The following ROCK2 variants were observed in gnomAD, a reference collection of about 807,000 sequenced individuals.
ROCK2 encodes rho-associated protein kinase 2.
A neutral mutation model predicts 195.1 loss-of-function variants in ROCK2; 61 were observed. The observed-to-expected ratio is 0.31, with a 90% confidence interval of 0.25 to 0.39. The LOEUF is 0.39. Among genes scored for constraint, ROCK2 ranks in the 10% least tolerant of loss-of-function variants. The pLI, the probability that ROCK2 is intolerant of heterozygous loss-of-function variation, is 1.00. For synonymous variants in ROCK2, 504 were observed against 545.5 expected, an observed-to-expected ratio of 0.92 and a Z score of 1.06; for missense variants, 1,109 against 1,637.4, an observed-to-expected ratio of 0.68 and a Z score of 5.57.
chr2:11,222,363 T>TA (rs1398377197), intron 7 of ROCK2, among the ~76,000 whole-genome samples, 189 bp from the exon 8 acceptor site: 1 of 152,118 alleles, frequency 6.6e-6, no homozygotes, highest in Non-Finnish European at 1.5e-5. Context: ...TAGACAGATT[T>TA]AAAAAACTGT....
At chr2:11,318,888 A>G (rs1249331786) in intron 1 of ROCK2, among the ~76,000 whole-genome samples, 1 of 152,108 alleles carries the variant, frequency 6.6e-6, no homozygotes, top group African/African-American at 2.4e-5. Flanking sequence ...TGTTTTTGTC[A>G]GGTTTGTCAA....
At chr2:11,331,581 CA>C (rs151085792) in intron 1 of ROCK2, among the ~76,000 whole-genome samples, 2 of 149,644 alleles carry the variant, frequency 1.3e-5, no homozygotes, top group African/African-American at 2.5e-5. Context: ...CAGAATGGAA[CA>C]AAAAAAAAAG....
intron 32 of ROCK2, among the ~76,000 whole-genome samples, chr2:11,190,660 A>G (rs1663390662): frequency 6.6e-6 from 1 of 152,188 alleles, no homozygotes; most frequent in African/African-American, 2.4e-5. Context: ...AAACAAATAT[A>G]ACAATACCTA....
chr2:11,187,398 GTCT>G (rs1487897031), intron 32 of ROCK2, among the ~76,000 whole-genome samples: 1 of 152,150 alleles, frequency 6.6e-6, no homozygotes, highest in Non-Finnish European at 1.5e-5. Flanking sequence ...CTTACTAATG[GTCT>G]TCATTATCAG....
At chr2:11,196,060 A>C (rs1663623346) in intron 27 of ROCK2, among the ~76,000 whole-genome samples, 1 of 152,162 alleles carries the variant, frequency 6.6e-6, no homozygotes, top group East Asian at 1.9e-4. Context: ...TTATGTATCA[A>C]TCGTGCTGGA....
intron 3 of ROCK2, among the ~76,000 whole-genome samples, chr2:11,282,330 A>G (rs1417855016): frequency 6.6e-6 from 1 of 152,148 alleles, no homozygotes; most frequent in Non-Finnish European, 1.5e-5. Context: ...CAGCCTGCGC[A>G]ACAGAGGAAG....
At chr2:11,303,367 C>G (rs1227942561) in intron 1 of ROCK2, among the ~76,000 whole-genome samples, 2 of 152,168 alleles carry the variant, frequency 1.3e-5, no homozygotes, top group African/African-American at 4.8e-5. Flanking sequence ...CTTGTACAAG[C>G]CTTCATCACC....
chr2:11,194,296 C>G lies in ROCK2; in HGVS notation c.3568G>C (p.Asp1190His), dbSNP rs761936331. The change falls in exon 29 of 33, where the codon GAT (aspartate) becomes CAT (histidine). Residue 1190 changes from aspartate to histidine, a missense_variant. Physicochemically the swap from Asp to His is moderately conservative, Grantham distance 81. This residue lies in a region of ROCK2 where 221 missense variants were observed against 355.1 expected (regional missense o/e 0.62). Transcript: ENST00000315872. Reference protein sequence around the residue: ...KKILFYDSEQDKEQSNPYMVL... With the variant: ...KKILFYDSEQHKEQSNPYMVL... ...ATGTAAGGATTGGATTGTTCTTTAT[C>G]TTGTTCACTGTCATAGAAAAGAATC... 1 of 1,478,340 alleles carries G rather than the reference C, an allele frequency of 6.8e-7. No homozygotes were observed. Among genetic ancestry groups the G allele is most frequent in the East Asian group, 2.4e-5 (1 of 41,968 alleles). The allele number at this position is 1,478,340 out of a possible 1,614,324, so 91.6% of individuals were successfully genotyped here.
chr2:11,240,480 A>C (rs2357997), intron 4 of ROCK2, among the ~76,000 whole-genome samples: 67,237 of 152,124 alleles, frequency 0.44, 15,427 homozygotes, highest in Admixed American at 0.54. Context: ...GATGAACCTT[A>C]AAAACAGTAT....
At chr2:11,204,618 T>A (rs1447883786) in intron 20 of ROCK2, among the ~76,000 whole-genome samples, 2 of 152,188 alleles carry the variant, frequency 1.3e-5, no homozygotes, top group South Asian at 4.1e-4. Context: ...AAACCTTCCA[T>A]GACATTTCTT....
intron 4 of ROCK2, among the ~76,000 whole-genome samples, chr2:11,243,095 T>C (rs1665486293): frequency 6.6e-6 from 1 of 151,972 alleles, no homozygotes; most frequent in South Asian, 2.1e-4. Flanking sequence ...GTGGGGGATA[T>C]AACAGCCAAA....
intron 30 of ROCK2, among the ~76,000 whole-genome samples, chr2:11,193,540 C>T (rs1663514290): frequency 6.6e-6 from 1 of 152,014 alleles, no homozygotes; most frequent in South Asian, 2.1e-4. Context: ...AAACATGATA[C>T]AAACACACCG....
In ROCK2 at chr2:11,260,079, A is replaced by G. The variant is rs577404884; in HGVS notation, c.325-10281T>C. On this transcript the variant is annotated intron_variant, in intron 3 of 32. Coordinates refer to ENST00000315872, the MANE Select transcript of ROCK2 (RefSeq NM_004850.5). Reference sequence around the variant, plus strand: ...TAGATTTTCAACTGATTTGTGTTCAATTAGCAGGTTATCTCAAATAGTCAT... The same window carrying G: ...TAGATTTTCAACTGATTTGTGTTCAGTTAGCAGGTTATCTCAAATAGTCAT... Among the ~76,000 whole-genome samples the G allele has an allele frequency of 4.6e-5, 7 of 151,642 alleles. No individual in the cohort carries two copies. In the South Asian group the frequency reaches 1.4e-3, roughly 31 times the overall value.
At chr2:11,311,186 T>C (rs2122384) in intron 1 of ROCK2, among the ~76,000 whole-genome samples, 111,594 of 151,880 alleles carry the variant, frequency 0.73, 42,756 homozygotes, top group East Asian at 0.94. Flanking sequence ...CTACCAATGA[T>C]AGACTAATTT....
At chr2:11,318,074 C>T (rs1394432697) in intron 1 of ROCK2, among the ~76,000 whole-genome samples, 3 of 152,058 alleles carry the variant, frequency 2.0e-5, no homozygotes, top group African/African-American at 4.8e-5. Flanking sequence ...AATAAACATA[C>T]GTGTGCATGT....
intron 1 of ROCK2, among the ~76,000 whole-genome samples, chr2:11,306,491 G>C (rs1667864202): frequency 6.6e-6 from 1 of 152,078 alleles, no homozygotes; most frequent in South Asian, 2.1e-4. Context: ...CAAACTGATA[G>C]GCAGGAATAT....
At chr2:11,251,936 G>C (rs1054025488) in intron 3 of ROCK2, among the ~76,000 whole-genome samples, 1 of 152,160 alleles carries the variant, frequency 6.6e-6, no homozygotes, top group Non-Finnish European at 1.5e-5. Flanking sequence ...GGTCATTAGA[G>C]AAATGCAAAT....
At chr2:11,289,547 A>G (rs1667298323) in intron 1 of ROCK2, among the ~76,000 whole-genome samples, 2 of 152,238 alleles carry the variant, frequency 1.3e-5, no homozygotes, top group Non-Finnish European at 2.9e-5. Flanking sequence ...AGAAAAATAT[A>G]AATTGACAAG....
intron 3 of ROCK2, among the ~76,000 whole-genome samples, chr2:11,252,057 T>C (rs1016236185): frequency 6.6e-6 from 1 of 152,122 alleles, no homozygotes; most frequent in Non-Finnish European, 1.5e-5. Context: ...CTTTATGCTG[T>C]TGGTGGGAGC....
Sources: gnomAD v4.1 joint callset for allele counts (sites outside exome capture counted in the v4.1 genomes callset) on GRCh38, gnomAD v4.1.1 for gene constraint, gnomAD v4.1.1 regional missense constraint, MANE v1.5 for transcripts, NCBI Gene and HGNC (gene_info 2026-07-23, HGNC 2026-07-21) for gene names.